The following PHLDB2 variants were observed in gnomAD, a reference collection of about 807,000 sequenced individuals.
The protein encoded by PHLDB2 is pleckstrin homology like domain family B member 2.
In PHLDB2, 71 loss-of-function variants were observed where a neutral mutation model predicts 123.6. That is an observed-to-expected ratio of 0.57 (90% CI 0.47 to 0.70). The LOEUF is 0.70. Among genes scored for constraint, PHLDB2 ranks in the 30% least tolerant of loss-of-function variants. The pLI is 0.00. For missense variants in PHLDB2, 1,446 were observed against 1,519.5 expected, an observed-to-expected ratio of 0.95 and a Z score of 0.80; for synonymous variants, 547 against 541.6, an observed-to-expected ratio of 1.01 and a Z score of -0.14.
intron 1 of PHLDB2, among the ~76,000 whole-genome samples, chr3:111,870,829 T>C (rs2065301138): frequency 6.6e-6 from 1 of 152,196 alleles, no homozygotes; most frequent in Non-Finnish European, 1.5e-5. Context: ...TAAACATCAG[T>C]GCTGAAAGAG....
chr3:111,882,027 T>C (rs958440668), intron 1 of PHLDB2, among the ~76,000 whole-genome samples: 1 of 152,178 alleles, frequency 6.6e-6, no homozygotes, highest in Non-Finnish European at 1.5e-5. Context: ...GCCCTGATTA[T>C]ATATATGTTT....
rs2072046504 is a variant in PHLDB2, at chr3:111,969,808, C to A, written c.3434C>A (p.Thr1145Asn). Reference protein sequence around the residue: ...TCYHVSITEKTCRGFLIKMGG... With the variant: ...TCYHVSITEKNCRGFLIKMGG... ...TACCATGTATCAATCACAGAGAAGA[C>A]CTGCCGAGGATTCCTCATCAAAATG... Residue 1145 changes from threonine to asparagine, a missense_variant, in exon 16 of 18, where the codon ACC (threonine) becomes AAC (asparagine). Thr to Asn is a moderately conservative substitution (Grantham distance 65, BLOSUM62 0). Coordinates refer to ENST00000431670, the MANE Select transcript of PHLDB2 (RefSeq NM_001134438.2). 6.2e-7 allele frequency: 1 copy of A among 1,613,888 alleles called. No individual in the cohort carries two copies. Among genetic ancestry groups the A allele is most frequent in the African/African-American group, 1.3e-5 (1 of 74,886 alleles).
At chr3:111,845,731 G>A in intron 1 of PHLDB2, 1 of 1,456,998 alleles carries the variant, frequency 6.9e-7, no homozygotes, top group Non-Finnish European at 9.4e-7. Context: ...AAACATCTGA[G>A]TTCAACAGAT....
At chr3:111,848,086 C>T (rs148854237) in intron 2 of PHLDB2, among the ~76,000 whole-genome samples, 47 of 152,166 alleles carry the variant, frequency 3.1e-4, no homozygotes, top group African/African-American at 1.1e-3. Context: ...AGTATGCGAC[C>T]CTCACCTTCC....
At chr3:111,914,753 A>C (rs977632774) in intron 3 of PHLDB2, 1 of 152,066 alleles carries the variant, frequency 6.6e-6, no homozygotes, top group East Asian at 1.9e-4. Flanking sequence ...ATAGGAGTTT[A>C]AGATTTATTG....
chr3:111,840,613 C>G (rs983469699), intron 1 of PHLDB2, among the ~76,000 whole-genome samples: 3 of 152,140 alleles, frequency 2.0e-5, no homozygotes, highest in African/African-American at 7.2e-5. Context: ...GACAATCTAA[C>G]ACAGAAATAG....
At chr3:111,770,223 G>A (rs1456650763) in intron 1 of PHLDB2, among the ~76,000 whole-genome samples, 1 of 152,140 alleles carries the variant, frequency 6.6e-6, no homozygotes, top group Non-Finnish European at 1.5e-5. Flanking sequence ...ATTTTTTCCA[G>A]ATACCAGGCT....
chr3:111,885,319 C>T lies in PHLDB2; in HGVS notation c.1242C>T (p.Ser414=). 1.2e-6 allele frequency: 2 copies of T among 1,614,146 alleles called. No homozygotes were observed. Among genetic ancestry groups the T allele is most frequent in the Non-Finnish European group, 1.7e-6 (2 of 1,180,016 alleles). The change falls in exon 2 of 18, where the codon AGC becomes AGT. Residue 414 remains serine (S), a synonymous_variant. Transcript: ENST00000431670. ...TPQPALRERK[S]SISSISGRDD... ...AGCCTGCCCTTCGGGAACGGAAAAG[C>T]AGTATTAGCTCCATTTCAGGACGTG...
Position 111,969,685 on chromosome 3 carries a change from T to G in PHLDB2, c.3316-5T>G, listed in dbSNP as rs776485722. 8 of 1,613,270 alleles carry G rather than the reference T, an allele frequency of 5.0e-6. No homozygotes were observed. Among genetic ancestry groups the G allele is most frequent in the Non-Finnish European group, 6.8e-6 (8 of 1,179,346 alleles). On this transcript the variant is annotated splice_polypyrimidine_tract_variant and splice_region_variant and intron_variant, in intron 15 of 17. Transcript: ENST00000431670. ...ATAGATGCAATGGGTTTTGCACTTT[T>G]CCAGGCTCGTCCTTTGACACGCTAC...
At chr3:111,964,396 A>G (rs953366886) in intron 13 of PHLDB2, among the ~76,000 whole-genome samples, 2 of 152,080 alleles carry the variant, frequency 1.3e-5, no homozygotes, top group Admixed American at 6.5e-5. Flanking sequence ...CTGGTGTGCA[A>G]TGGTGCAATT....
chr3:111,858,836 T>C (rs1341500414), upstream of PHLDB2, among the ~76,000 whole-genome samples: 1 of 152,160 alleles, frequency 6.6e-6, no homozygotes, highest in African/African-American at 2.4e-5. Context: ...CGCCCAGACC[T>C]TGGAAGAGGT....
intron 1 of PHLDB2, chr3:111,859,814 G>A (rs1453320744): frequency 4.1e-6 from 4 of 985,492 alleles, no homozygotes; most frequent in Non-Finnish European, 4.8e-6. Context: ...GTGGGCGGGG[G>A]CAAAGGCTAG....
At chr3:111,822,427 C>T (rs1245200659) in intron 1 of PHLDB2, among the ~76,000 whole-genome samples, 1 of 151,874 alleles carries the variant, frequency 6.6e-6, no homozygotes, top group Non-Finnish European at 1.5e-5. Context: ...ACCTCTTAGA[C>T]TCCTCTCAAT....
intron 1 of PHLDB2, among the ~76,000 whole-genome samples, chr3:111,881,663 G>A (rs1206946586): frequency 1.3e-5 from 2 of 151,894 alleles, no homozygotes; most frequent in Non-Finnish European, 2.9e-5. Flanking sequence ...ATGGCATCAT[G>A]TGTAGTCTGT....
intron 2 of PHLDB2, among the ~76,000 whole-genome samples, chr3:111,851,238 C>T (rs949331304): frequency 4.0e-5 from 6 of 148,484 alleles, no homozygotes; most frequent in South Asian, 4.3e-4. Flanking sequence ...GTGTTCTTTG[C>T]GATTCTCCTG....
chr3:111,951,025 T>C (rs1352279034), intron 10 of PHLDB2, among the ~76,000 whole-genome samples: 5 of 152,200 alleles, frequency 3.3e-5, no homozygotes, highest in Non-Finnish European at 7.3e-5. Flanking sequence ...TGTGTTTTCA[T>C]TGGGGTTTCT....
chr3:111,960,557 G>A (rs1004751051), intron 12 of PHLDB2, among the ~76,000 whole-genome samples: 5 of 152,138 alleles, frequency 3.3e-5, no homozygotes, highest in Non-Finnish European at 7.4e-5. Context: ...GCTTTGTTAA[G>A]GCATCATGGA....
chr3:111,955,031 A>AAT (rs1311671160), intron 12 of PHLDB2, among the ~76,000 whole-genome samples: 2 of 151,298 alleles, frequency 1.3e-5, no homozygotes, highest in African/African-American at 4.9e-5. Context: ...ATCAGGGGAA[A>AAT]ATATATATAT....
chr3:111,947,597 A>C (rs924399313), intron 9 of PHLDB2, among the ~76,000 whole-genome samples: 3 of 152,248 alleles, frequency 2.0e-5, no homozygotes, highest in African/African-American at 7.2e-5. Flanking sequence ...ATAAATAATT[A>C]AAACTTGGCT....
Sources: gnomAD v4.1 joint callset for allele counts (sites outside exome capture counted in the v4.1 genomes callset) on GRCh38, gnomAD v4.1.1 for gene constraint, MANE v1.5 for transcripts, NCBI Gene and HGNC (gene_info 2026-07-23, HGNC 2026-07-21) for gene names.